TOP2A: variants seen among roughly 807,000 people sequenced by gnomAD.
The protein encoded by TOP2A is DNA topoisomerase 2-alpha.
TOP2A carries 68 observed loss-of-function variants against 187.2 expected under a neutral mutation model. The observed-to-expected ratio is 0.36, with a 90% CI of 0.30 to 0.44. TOP2A has a LOEUF of 0.44. Among genes scored for constraint, TOP2A ranks in the 20% least tolerant of loss-of-function variants. The pLI is 1.00. For missense variants in TOP2A, 1,196 were observed against 1,808.7 expected (o/e 0.66, Z 6.14); for synonymous variants, 542 against 593.2 (o/e 0.91, Z 1.25).
chr17:40,394,065 C>CAAAAAAAAAAAA (rs34089833), intron 29 of TOP2A, among the ~76,000 whole-genome samples: 1 of 108,646 alleles, frequency 9.2e-6, no homozygotes, highest in Non-Finnish European at 1.9e-5. Context: ...AACTCTGCCT[C>CAAAAAAAAAAAA]AAAAAAAAAA....
At chr17:40,402,696 A>G (rs1184511345) in intron 20 of TOP2A, among the ~76,000 whole-genome samples, 2 of 152,232 alleles carry the variant, frequency 1.3e-5, no homozygotes, top group African/African-American at 2.4e-5. Context: ...CCCAAGCTCT[A>G]CATCAGGATT....
chr17:40,392,018 T>C, intron 32 of TOP2A, 50 bp downstream of exon 32: 1 of 1,576,638 alleles, frequency 6.3e-7, no homozygotes, highest in Non-Finnish European at 8.6e-7. Flanking sequence ...CAGTTGGATC[T>C]GAGTGTCCCA....
At chr17:40,406,721 ACACTGTGGGGTC>A in intron 14 of TOP2A, 32 bp from the exon 15 acceptor site, 1 of 1,595,004 alleles carries the variant, frequency 6.3e-7, no homozygotes, top group Non-Finnish European at 8.6e-7. Context: ...GTGGCTTTGT[ACACTGTGGGGTC>A]CCCTGTATAC....
rs958105739 is a variant in TOP2A at position 40,415,295 on chromosome 17, C to T, written c.332+710G>A. Among the ~76,000 whole-genome samples the T allele has an allele frequency of 2.6e-5, 4 of 152,234 alleles. 1 individual carries two copies. The highest frequency in any genetic ancestry group is 2.1e-4 in the South Asian group (1 of 4,818). ...GGTCTTGATCTCCTGACCTTGTGAT[C>T]CGCCCGCATCGGCCTCCCAAAGTGC... On this transcript the variant is annotated intron_variant, in intron 4 of 34. Transcript: ENST00000423485.
intron 29 of TOP2A, among the ~76,000 whole-genome samples, chr17:40,395,112 G>C (rs990940807): frequency 6.6e-6 from 1 of 151,790 alleles, no homozygotes. Context: ...GTGAAACCCC[G>C]TCTCTACTAA....
At chr17:40,397,285 CTTT>C (rs11331486) in intron 27 of TOP2A, among the ~76,000 whole-genome samples, 66 of 131,160 alleles carry the variant, frequency 5.0e-4, no homozygotes, top group Admixed American at 3.9e-4. Context: ...CTGCTTTCTC[CTTT>C]TTTTTTTTTT....
chr17:40,400,871 A>G lies in TOP2A; in HGVS notation c.2643T>C (p.Asp881=), dbSNP rs368076464. 8.1e-6 allele frequency: 13 copies of G among 1,613,910 alleles called. No homozygotes were observed. The highest frequency in any genetic ancestry group is 6.7e-5 in the East Asian group (3 of 44,900). Residue 881 remains aspartate, a synonymous_variant, in exon 21 of 35, where the codon GAT becomes GAC. Coordinates refer to ENST00000423485, the MANE Select transcript of TOP2A (RefSeq NM_001067.4). ...TTACCATTGGCAAAGGTTCTTCTCC[A>G]TCCATCAAACGCCTGATGTTATTTA... ...EIVNNIRRLM[D]GEEPLPMLPS...
Position 40,411,753 on chromosome 17 carries a change from G to C in TOP2A, c.855C>G (p.Ser285=), listed in dbSNP as rs375890252. ...TTACTTGTTCATGTATTACTTTCAA[G>C]GAGTTACCAGTTTCATCCAACTTGT... is the stretch of plus-strand genomic sequence containing the variant. ...LKDKLDETGN[S]LKVIHEQVNH... The change falls in exon 8 of 35, where the codon TCC becomes TCG. Residue 285 remains serine, a synonymous_variant. Coordinates refer to ENST00000423485, the MANE Select transcript of TOP2A (RefSeq NM_001067.4). This position sits in a 1 kb window ranked among gnomAD's most constrained non-coding sequence, Gnocchi z 4.4. The C allele has an allele frequency of 2.5e-6, 4 of 1,611,708 alleles. No homozygotes were observed. Among genetic ancestry groups the C allele is most frequent in the Non-Finnish European group, 3.4e-6 (4 of 1,179,284 alleles).
At chr17:40,405,104 C>G (rs1456304502) in intron 16 of TOP2A, among the ~76,000 whole-genome samples, 1 of 151,798 alleles carries the variant, frequency 6.6e-6, no homozygotes, top group Admixed American at 6.6e-5. Flanking sequence ...ATTCTCCTGC[C>G]TCAGCCTCCT....
In TOP2A at chr17:40,395,398, AAC is replaced by A. The variant is rs2035081627; in HGVS notation, c.3811+49_3811+50del. The A allele has an allele frequency of 3.1e-6, 4 of 1,300,240 alleles. No individual in the cohort carries two copies. The Admixed American group carries it at 6.3e-5, about 21-fold the overall frequency. 80.5% of individuals were successfully genotyped at this position (1,300,240 alleles called of 1,614,324 possible). On this transcript the variant is annotated intron_variant, in intron 29 of 34. Coordinates refer to ENST00000423485, the MANE Select transcript of TOP2A (RefSeq NM_001067.4). ...TCTATGTGGAATGTACTAGGTAACA[AAC>A]ACAATTTAATCTTCACTTTATACCA... is the stretch of plus-strand genomic sequence containing the variant.
intron 27 of TOP2A, among the ~76,000 whole-genome samples, chr17:40,396,772 T>C (rs966553169): frequency 6.6e-6 from 1 of 152,070 alleles, no homozygotes; most frequent in Non-Finnish European, 1.5e-5. Flanking sequence ...ACATACAAAA[T>C]ATGAAAGGAA....
chr17:40,396,504 C>T (rs757617509), intron 27 of TOP2A, 39 bp from the exon 28 acceptor site: 14 of 1,583,824 alleles, frequency 8.8e-6, no homozygotes, highest in Non-Finnish European at 1.2e-5. Flanking sequence ...TAAATGTTAA[C>T]AAAAACATTA....
At position 40,398,651 on chromosome 17, in the gene TOP2A, A is replaced by G. The variant is rs757529477; in HGVS notation, c.3454-10T>C. Reference sequence around the variant, plus strand: ...TGTCCAGCTCTTGTTCCTTCATAAGATAATTACAAAATTGAGTTAATATAT... The same window carrying G: ...TGTCCAGCTCTTGTTCCTTCATAAGGTAATTACAAAATTGAGTTAATATAT... On this transcript the variant is annotated splice_polypyrimidine_tract_variant and intron_variant, in intron 26 of 34. Transcript: ENST00000423485. 3 of 1,600,014 alleles carry G rather than the reference A, an allele frequency of 1.9e-6. No individual in the cohort carries two copies. The highest frequency in any genetic ancestry group is 2.3e-5 in the South Asian group (2 of 88,584).
At chr17:40,402,486 CAGAAGAG>C (rs1335184287) in intron 20 of TOP2A, among the ~76,000 whole-genome samples, 2 of 152,100 alleles carry the variant, frequency 1.3e-5, no homozygotes, top group Non-Finnish European at 2.9e-5. Flanking sequence ...AGAAGAGAAC[CAGAAGAG>C]TCTACAGTCA....
chr17:40,395,648 C>A (rs1441225982), intron 28 of TOP2A, 109 bp from the exon 29 acceptor site: 2 of 667,094 alleles, frequency 3.0e-6, no homozygotes, highest in East Asian at 3.3e-5. Context: ...GTAATCCCAG[C>A]ACTTTGGGAG....
At chr17:40,393,238 G>A (rs2035048458) in intron 29 of TOP2A, among the ~76,000 whole-genome samples, 2 of 151,994 alleles carry the variant, frequency 1.3e-5, no homozygotes, top group Admixed American at 1.3e-4. Flanking sequence ...GAGGCAGGAG[G>A]ATTGTTTGAG....
rs951251402 is a variant in TOP2A at position 40,399,791 on chromosome 17, C to T, written c.3196+81G>A. 6 of 1,280,890 alleles carry T rather than the reference C, an allele frequency of 4.7e-6. No homozygotes were observed. In the East Asian group the frequency reaches 1.2e-4, roughly 27 times the overall value. The allele number at this position is 1,280,890 out of a possible 1,614,324, so 79.3% of individuals were successfully genotyped here. A position where few individuals can be genotyped will look rare whatever the true frequency, so the allele number is the denominator to read the frequency against. ...TAAATGGATTTTGCCTCTTTCTCCA[C>T]CATTACTCTCACCAAAAATGTTTAA... On this transcript the variant is annotated intron_variant, in intron 24 of 34. Coordinates refer to ENST00000423485, the MANE Select transcript of TOP2A (RefSeq NM_001067.4).
In TOP2A at chr17:40,408,568, C is replaced by T. The variant is rs758017802; in HGVS notation, c.1266G>A (p.Gln422=). Reference sequence around the variant, plus strand: ...TTACAGCTGAACACTTCTTGTTTAACTGGACTTGGGCCTTAAACTTCACCC... The same window carrying T: ...TTACAGCTGAACACTTCTTGTTTAATTGGACTTGGGCCTTAAACTTCACCC... ...LNWVKFKAQV[Q]LNKKCSAVKH... is the part of the protein sequence containing the mutation. Residue 422 remains glutamine, a synonymous_variant, in exon 11 of 35, where the codon CAG becomes CAA. Transcript: ENST00000423485. 1 of 1,613,790 alleles carries T rather than the reference C, an allele frequency of 6.2e-7. No individual in the cohort carries two copies.
chr17:40,392,840 G>A (rs1455235388), intron 29 of TOP2A, 103 bp from the exon 30 acceptor site: 1 of 947,920 alleles, frequency 1.1e-6, no homozygotes, highest in African/African-American at 1.7e-5. Context: ...TGATAGTTCT[G>A]AGAATACAAT....
Sources: allele counts gnomAD v4.1 joint callset (sites outside exome capture counted in the v4.1 genomes callset), GRCh38; gene constraint gnomAD v4.1.1; non-coding constraint Gnocchi (gnomAD v3.1); transcripts MANE v1.5; gene names NCBI Gene and HGNC (gene_info 2026-07-23, HGNC 2026-07-21).